Variants in SPG11 observed in about 807,000 individuals in gnomAD.
SPG11 encodes the protein SPG11 vesicle trafficking associated, spatacsin.
SPG11 carries 222 observed loss-of-function variants against 274.0 expected under a neutral mutation model. The ratio of observed to expected loss-of-function variants is 0.81; its 90% CI spans 0.73 to 0.91. The LOEUF is 0.91. Among genes scored for constraint, SPG11 ranks in the 40% least tolerant of loss-of-function variants. The probability of loss-of-function intolerance (pLI) is 0.00; values close to 1 mark genes in which losing one functional copy is unlikely to be tolerated. For missense variants in SPG11, 3,114 were observed against 2,872.7 expected (o/e 1.08, Z -1.92); for synonymous variants, 1,144 against 1,039.7 (o/e 1.10, Z -1.93).
chr15:44,649,423 G>C (rs1177565814), intron 6 of SPG11, among the ~76,000 whole-genome samples: 2 of 151,868 alleles, frequency 1.3e-5, no homozygotes, highest in Non-Finnish European at 2.9e-5. Context: ...TGTAGCAATA[G>C]GGTTTCACTT....
chr15:44,649,989 T>C (rs1047061934), intron 6 of SPG11, among the ~76,000 whole-genome samples: 5 of 152,168 alleles, frequency 3.3e-5, no homozygotes, highest in African/African-American at 1.2e-4. Flanking sequence ...ATGTCAGATT[T>C]CTGGTTTACT....
In SPG11 at chr15:44,584,035, A is replaced by C. The variant is rs760815236; in HGVS notation, c.5645T>G (p.Ile1882Ser). The part of the protein sequence containing the change: ...WKEQESLNFL[I>S]GRLLDDGCVH... Reference sequence around the variant, plus strand: ...ACAGCCATCATCCAGTAGGCGCCCAATCAAAAAGTTTAGTGACTCCTGCTC... The same window carrying C: ...ACAGCCATCATCCAGTAGGCGCCCACTCAAAAAGTTTAGTGACTCCTGCTC... The change falls in exon 30 of 40, where the codon ATT becomes AGT. Residue 1882 changes from isoleucine to serine, a missense_variant. Transcript: ENST00000261866. 10 of 1,614,246 alleles carry C rather than the reference A, an allele frequency of 6.2e-6. No homozygotes were observed. Among genetic ancestry groups the C allele is most frequent in the Non-Finnish European group, 7.6e-6 (9 of 1,180,036 alleles).
chr15:44,647,450 A>C (rs547935431), intron 7 of SPG11, among the ~76,000 whole-genome samples: 1 of 152,348 alleles, frequency 6.6e-6, no homozygotes, highest in African/African-American at 2.4e-5. Flanking sequence ...ATGTCAACAC[A>C]AAAACTTGTA....
At position 44,589,346 on chromosome 15, in the gene SPG11, G is replaced by C. The variant is rs1567142972; in HGVS notation, c.4812C>G (p.Phe1604Leu). 6.8e-6 allele frequency: 11 copies of C among 1,614,146 alleles called. No individual in the cohort carries two copies. Among genetic ancestry groups the C allele is most frequent in the Non-Finnish European group, 8.5e-6 (10 of 1,180,000 alleles). The change falls in exon 28 of 40, where the codon TTC becomes TTG. Residue 1604 changes from phenylalanine to leucine, a missense_variant. Transcript: ENST00000261866. ...PAMWLEDQVC[F>L]LLKLMLQQCK... Reference sequence around the variant, plus strand: ...ACTGCTGTAGCATAAGCTTCAAAAGGAAACACACCTGATCCTCCAGCCACA... The same window carrying C: ...ACTGCTGTAGCATAAGCTTCAAAAGCAAACACACCTGATCCTCCAGCCACA...
intron 20 of SPG11, among the ~76,000 whole-genome samples, chr15:44,602,841 ACC>A: frequency 6.6e-6 from 1 of 152,038 alleles, no homozygotes. Context: ...TGTATGTTGA[ACC>A]ATCCTGGTTT....
At chr15:44,609,307 T>C (rs945797408) in intron 18 of SPG11, among the ~76,000 whole-genome samples, 3 of 151,888 alleles carry the variant, frequency 2.0e-5, no homozygotes, top group Non-Finnish European at 4.4e-5. Flanking sequence ...AATTTTTTTT[T>C]TTTGTATTTT....
chr15:44,598,016 T>G (rs928627722), intron 23 of SPG11, among the ~76,000 whole-genome samples: 1 of 152,234 alleles, frequency 6.6e-6, no homozygotes, highest in Non-Finnish European at 1.5e-5. Flanking sequence ...GAGACAAAGC[T>G]GCTCTCCATC....
intron 35 of SPG11, among the ~76,000 whole-genome samples, chr15:44,568,004 G>C (rs2082344455): frequency 6.6e-6 from 1 of 152,168 alleles, no homozygotes; most frequent in African/African-American, 2.4e-5. Context: ...TTATGTAGGA[G>C]GATGATTTGT....
At chr15:44,639,232 C>T (rs973759583) in intron 7 of SPG11, among the ~76,000 whole-genome samples, 1 of 150,608 alleles carries the variant, frequency 6.6e-6, no homozygotes, top group Non-Finnish European at 1.5e-5. Context: ...GGGAACTTAA[C>T]CTTACAAAGG....
intron 1 of SPG11, among the ~76,000 whole-genome samples, chr15:44,663,025 G>T (rs1282322614): frequency 1.3e-5 from 2 of 152,246 alleles, no homozygotes; most frequent in African/African-American, 4.8e-5. Context: ...ATCTTTAACT[G>T]AAAGAAATGG....
intron 28 of SPG11, among the ~76,000 whole-genome samples, chr15:44,588,055 T>G (rs888346139): frequency 1.3e-5 from 2 of 152,238 alleles, no homozygotes; most frequent in African/African-American, 4.8e-5. Flanking sequence ...CAACTGGCTC[T>G]GAGCTCAGGA....
At chr15:44,604,358 A>G (rs1400614886) in intron 20 of SPG11, among the ~76,000 whole-genome samples, 1 of 152,236 alleles carries the variant, frequency 6.6e-6, no homozygotes, top group East Asian at 1.9e-4. Flanking sequence ...AATTACATAT[A>G]AAGCCATTCA....
chr15:44,615,480 G>T lies in SPG11; in HGVS notation c.2921C>A (p.Thr974Asn), dbSNP rs779783704. The change falls in exon 16 of 40, where the codon ACC (threonine) becomes AAC (asparagine). Residue 974 changes from threonine (T) to asparagine (N), a missense_variant. Transcript: ENST00000261866. ...LSRIGGVIQD[T>N]LPVQNYKTKE... ...GGTCTTGTAGTTTTGAACAGGGAGG[G>T]TATCCTGTATTACACCTCCAATACG... is the stretch of plus-strand genomic sequence containing the variant. The T allele has an allele frequency of 6.2e-7, 1 of 1,613,734 alleles. No individual in the cohort carries two copies. Among genetic ancestry groups the T allele is most frequent in the Admixed American group, 1.7e-5 (1 of 60,014 alleles).
At chr15:44,634,870 G>A (rs931914367) in intron 7 of SPG11, among the ~76,000 whole-genome samples, 3 of 152,068 alleles carry the variant, frequency 2.0e-5, no homozygotes, top group East Asian at 1.9e-4. Flanking sequence ...ATGAGCCATC[G>A]CACCTGGCTG....
At chr15:44,586,963 C>T (rs931499267) in intron 28 of SPG11, among the ~76,000 whole-genome samples, 2 of 152,190 alleles carry the variant, frequency 1.3e-5, no homozygotes, top group African/African-American at 4.8e-5. Context: ...TCACTTGCAC[C>T]TCTAAAATTT....
At chr15:44,573,775 A>G in intron 31 of SPG11, 30 bp from the exon 32 acceptor site, 12 of 1,611,920 alleles carry the variant, frequency 7.4e-6, no homozygotes, top group Non-Finnish European at 9.3e-6. Flanking sequence ...AGTCAAGGCC[A>G]CTTTTAGAAG....
In SPG11 at chr15:44,598,794, G is replaced by A. The variant is rs1167629100; in HGVS notation, c.3729C>T (p.Ser1243=). 5.0e-6 allele frequency: 8 copies of A among 1,614,084 alleles called. No individual in the cohort carries two copies. The East Asian group carries it at 1.6e-4, about 31-fold the overall frequency. ...CTCCTATTGAAGGTATGTGGAAGGA[G>A]GAGAGCCCTATAACATAGGCTTCAT... ...VGNEAYVIGL[S]SFHIPSIGAA... Residue 1243 remains serine, a synonymous_variant, in exon 22 of 40, where the codon TCC becomes TCT. Transcript: ENST00000261866.
intron 19 of SPG11, among the ~76,000 whole-genome samples, chr15:44,607,868 G>C (rs2083361935): frequency 6.6e-6 from 1 of 152,218 alleles, no homozygotes; most frequent in Admixed American, 6.5e-5. Flanking sequence ...AGAAGAGATA[G>C]TTAGAAGTTA....
intron 14 of SPG11, 149 bp from the exon 15 acceptor site, chr15:44,620,552 C>CT: frequency 1.5e-6 from 1 of 684,092 alleles, no homozygotes; most frequent in Non-Finnish European, 2.4e-6. Flanking sequence ...TACTATTTTC[C>CT]TTTTTTTGAG....
Sources: allele counts gnomAD v4.1 joint callset (sites outside exome capture counted in the v4.1 genomes callset), GRCh38; gene constraint gnomAD v4.1.1; transcripts MANE v1.5; gene names NCBI Gene and HGNC (gene_info 2026-07-23, HGNC 2026-07-21).